Variants in GMDS observed in about 807,000 individuals in gnomAD.
The protein encoded by GMDS is GDP-mannose 4,6 dehydratase.
In GMDS, 20 loss-of-function variants were observed where a neutral mutation model predicts 49.9. The observed-to-expected ratio is 0.40, with a 90% CI of 0.28 to 0.58. GMDS has a LOEUF of 0.58. Ranked by LOEUF, GMDS falls within the 20% of genes least tolerant of loss-of-function variation. The pLI is 0.42. For missense variants in GMDS, 362 were observed against 481.4 expected (o/e 0.75, Z 2.32); for synonymous variants, 177 against 178.6 (o/e 0.99, Z 0.07).
intron 9 of GMDS, among the ~76,000 whole-genome samples, chr6:1,681,490 G>A (rs534294062): frequency 5.6e-4 from 86 of 152,308 alleles, no homozygotes; most frequent in African/African-American, 1.9e-3. Context: ...GGACAAGATG[G>A]AAATCAGTGT....
intron 8 of GMDS, among the ~76,000 whole-genome samples, chr6:1,739,885 G>A (rs949942552): frequency 2.0e-5 from 3 of 152,222 alleles, no homozygotes; most frequent in Non-Finnish European, 2.9e-5. Flanking sequence ...TGCTGGGAAA[G>A]TCCATTCACT....
intron 7 of GMDS, among the ~76,000 whole-genome samples, chr6:1,923,128 T>G (rs1761810287): frequency 6.6e-6 from 1 of 152,088 alleles, no homozygotes; most frequent in African/African-American, 2.4e-5. Context: ...GAACTGTGAG[T>G]CCATTAAACC....
chr6:1,744,228 T>C (rs1485417188), intron 7 of GMDS, among the ~76,000 whole-genome samples: 2 of 152,224 alleles, frequency 1.3e-5, no homozygotes, highest in Non-Finnish European at 2.9e-5. Context: ...TTAAATCATA[T>C]GGAAGACAAG....
intron 9 of GMDS, chr6:1,717,495 C>T (rs958510371): frequency 5.3e-5 from 8 of 152,140 alleles, no homozygotes; most frequent in Non-Finnish European, 1.2e-4. Flanking sequence ...TGTCACACTC[C>T]CTTGAAACAT....
At chr6:2,070,766 C>T (rs1433699931) in intron 4 of GMDS, among the ~76,000 whole-genome samples, 1 of 152,154 alleles carries the variant, frequency 6.6e-6, no homozygotes, top group Non-Finnish European at 1.5e-5. Context: ...CCACGCTTAC[C>T]TGCAACTCCT....
intron 8 of GMDS, among the ~76,000 whole-genome samples, chr6:1,736,926 G>A (rs1361616209): frequency 6.6e-6 from 1 of 152,164 alleles, no homozygotes; most frequent in Non-Finnish European, 1.5e-5. Context: ...ACTGGCTGCA[G>A]GATCCACCCC....
intron 7 of GMDS, among the ~76,000 whole-genome samples, chr6:1,806,445 C>CAA (rs1289731938): frequency 6.6e-6 from 1 of 151,326 alleles, no homozygotes; most frequent in African/African-American, 2.4e-5. Context: ...TGGGAACACA[C>CAA]ACACACACAC....
intron 7 of GMDS, among the ~76,000 whole-genome samples, chr6:1,917,139 T>C (rs1293935910): frequency 6.6e-6 from 1 of 152,058 alleles, no homozygotes; most frequent in Admixed American, 6.6e-5. Context: ...AGGCCAGCAG[T>C]AGAGATGCTA....
chr6:2,234,094 T>C lies in GMDS; in HGVS notation c.102+11227A>G, dbSNP rs6928987. On this transcript the variant is annotated intron_variant, in intron 1 of 10. Coordinates refer to ENST00000380815, the MANE Select transcript of GMDS (RefSeq NM_001500.4). ...ATGGATTTACACAAACTGAATGTCA[T>C]TGGTATCAACCATAAAAATAAAGAC... 3.4e-3 allele frequency among the ~76,000 whole-genome samples: 514 copies of C among 152,282 alleles called. 4 individuals carry two copies. Among genetic ancestry groups the C allele is most frequent in the African/African-American group, 0.011 (460 of 41,538 alleles).
intron 4 of GMDS, among the ~76,000 whole-genome samples, chr6:2,065,113 C>A (rs1046648479): frequency 2.0e-5 from 3 of 152,108 alleles, no homozygotes; most frequent in Non-Finnish European, 2.9e-5. Context: ...GGATCCCTGA[C>A]CCCTGACCCC....
chr6:1,864,280 C>G (rs1174506241), intron 7 of GMDS, among the ~76,000 whole-genome samples: 1 of 152,106 alleles, frequency 6.6e-6, no homozygotes, highest in Non-Finnish European at 1.5e-5. Flanking sequence ...CATATTTTTA[C>G]ATAATGCAGC....
At chr6:1,636,745 G>A (rs1406385238) in intron 9 of GMDS, among the ~76,000 whole-genome samples, 2 of 152,224 alleles carry the variant, frequency 1.3e-5, no homozygotes, top group East Asian at 1.9e-4. Flanking sequence ...TTATGTCCTT[G>A]CAAGTTTGAT....
chr6:1,714,776 C>T (rs190056116), intron 9 of GMDS, among the ~76,000 whole-genome samples: 1 of 152,376 alleles, frequency 6.6e-6, no homozygotes, highest in Admixed American at 6.5e-5. Flanking sequence ...ATGCCTTTTG[C>T]ATATGCATTA....
chr6:1,779,393 T>A (rs1768982088), intron 7 of GMDS, among the ~76,000 whole-genome samples: 1 of 152,120 alleles, frequency 6.6e-6, no homozygotes, highest in South Asian at 2.1e-4. Context: ...ATCAGGTGAA[T>A]TAACAGCCTG....
Position 2,071,228 on chromosome 6 carries a change from C to T in GMDS, c.345+44543G>A, listed in dbSNP as rs117825977. The stretch of plus-strand genomic sequence containing the variant: ...CCTAAATTCCCTGTTAAATTACCTA[C>T]GAAACCCAAATCAGAAATTTTTAAG... On this transcript the variant is annotated intron_variant, in intron 4 of 10. Coordinates refer to ENST00000380815, the MANE Select transcript of GMDS (RefSeq NM_001500.4). Among the ~76,000 whole-genome samples the T allele has an allele frequency of 9.9e-5, 15 of 152,274 alleles. 1 individual carries two copies. Among genetic ancestry groups the T allele is most frequent in the Admixed American group, 3.9e-4 (6 of 15,302 alleles).
chr6:1,776,757 T>C (rs1194218163), intron 7 of GMDS, among the ~76,000 whole-genome samples: 1 of 152,210 alleles, frequency 6.6e-6, no homozygotes, highest in Non-Finnish European at 1.5e-5. Context: ...ATTTACACCA[T>C]CGAAACCTGC....
intron 8 of GMDS, among the ~76,000 whole-genome samples, chr6:1,728,959 A>C (rs542373523): frequency 6.6e-6 from 1 of 151,632 alleles, no homozygotes; most frequent in Non-Finnish European, 1.5e-5. Flanking sequence ...AAAAAAAAAC[A>C]AAAAACAAAA....
In GMDS at chr6:1,905,873, G is replaced by A. The variant is rs1036887055; in HGVS notation, c.771+24230C>T. Among the ~76,000 whole-genome samples, 58 of 74,010 alleles carry A rather than the reference G, an allele frequency of 7.8e-4. 15 individuals are homozygous for A. The highest frequency in any genetic ancestry group is 3.6e-3 in the African/African-American group (58 of 16,108). The allele number at this position is 74,010 out of a possible 152,430, so 48.6% of individuals were successfully genotyped here. A position where few individuals can be genotyped will look rare whatever the true frequency, so the allele number is the denominator to read the frequency against. On this transcript the variant is annotated intron_variant, in intron 7 of 10. Coordinates refer to ENST00000380815, the MANE Select transcript of GMDS (RefSeq NM_001500.4). ...GGCCAGCACATAGCTGTGGGTGCTG[G>A]CATGTGACAATAACCCCATAGGCCA...
chr6:2,220,052 G>C (rs531194008), intron 1 of GMDS, among the ~76,000 whole-genome samples: 2 of 152,276 alleles, frequency 1.3e-5, no homozygotes, highest in South Asian at 4.1e-4. Flanking sequence ...TTATTCAAGG[G>C]CTAGGGCAGT....
Sources: gnomAD v4.1 joint callset for allele counts (sites outside exome capture counted in the v4.1 genomes callset) on GRCh38, gnomAD v4.1.1 for gene constraint, MANE v1.5 for transcripts, NCBI Gene and HGNC (gene_info 2026-07-23, HGNC 2026-07-21) for gene names.